COL22A1: variants seen among roughly 807,000 people sequenced by gnomAD.
COL22A1 encodes the protein collagen alpha-1(XXII) chain.
COL22A1 carries 221 observed loss-of-function variants against 248.9 expected under a neutral mutation model. The observed-to-expected ratio is 0.89, with a 90% CI of 0.80 to 0.99. The LOEUF (loss-of-function observed/expected upper bound fraction) is 0.99. Among genes scored for constraint, COL22A1 ranks in the 50% least tolerant of loss-of-function variants. The pLI is 0.00. For synonymous variants in COL22A1, 891 were observed against 793.4 expected, an observed-to-expected ratio of 1.12 and a Z score of -2.07; for missense variants, 2,240 against 2,179.0, an observed-to-expected ratio of 1.03 and a Z score of -0.56.
At chr8:138,755,100 A>C (rs1832885551) in intron 21 of COL22A1, 57 bp downstream of exon 21, 2 of 1,550,354 alleles carry the variant, frequency 1.3e-6, no homozygotes, top group African/African-American at 2.7e-5. Flanking sequence ...GATCTTCCAA[A>C]CCCATTGGTA....
chr8:138,594,312 G>A, intron 62 of COL22A1, 113 bp from the exon 63 acceptor site: 2 of 836,662 alleles, frequency 2.4e-6, no homozygotes. Flanking sequence ...TGCAGAAACG[G>A]ACATAGGACA....
Position 138,589,298 on chromosome 8 carries a change from G to C in COL22A1, c.4836C>G (p.Tyr1612Ter), listed in dbSNP as rs1259875598. The change falls in exon 65 of 65, where the codon TAC becomes TAG. Residue 1612 changes from tyrosine to a stop codon, truncating the protein, a stop_gained. Transcript: ENST00000303045. LOFTEE classifies it high-confidence loss of function. ...CCGGCCGGGCAGCAAGGCTGGCGAAGTAGGCACACTGGGAAGGGTCACATT... is the reference window on the plus strand; with the variant it reads ...CCGGCCGGGCAGCAAGGCTGGCGAACTAGGCACACTGGGAAGGGTCACATT... Reference protein sequence around the residue: ...PGQCDPSQCAYFASLAARPGN... With the variant: ...PGQCDPSQCA The C allele has an allele frequency of 2.5e-6, 4 of 1,613,842 alleles. No individual in the cohort carries two copies. In the South Asian group the frequency reaches 4.4e-5, roughly 18 times the overall value.
intron 49 of COL22A1, 147 bp from the exon 50 acceptor site, chr8:138,630,895 G>C: frequency 1.4e-6 from 1 of 725,368 alleles, no homozygotes; most frequent in Non-Finnish European, 2.4e-6. Flanking sequence ...AATATTGTAG[G>C]TGGGCCCTGG....
intron 3 of COL22A1, among the ~76,000 whole-genome samples, chr8:138,869,492 C>G (rs901966453): frequency 1.3e-5 from 2 of 152,148 alleles, no homozygotes; most frequent in African/African-American, 4.8e-5. Flanking sequence ...CAGTTTTAGG[C>G]AGAGGCAGGA....
chr8:138,735,751 C>G (rs4582606), intron 23 of COL22A1, among the ~76,000 whole-genome samples: 130,878 of 152,206 alleles, frequency 0.86, 57,849 homozygotes, highest in Non-Finnish European at 0.96. Flanking sequence ...TGACCTGAGT[C>G]AAGGGTGCAG....
intron 64 of COL22A1, 102 bp downstream of exon 64, chr8:138,591,322 C>T: frequency 1.5e-6 from 1 of 655,382 alleles, no homozygotes; most frequent in Non-Finnish European, 2.4e-6. Context: ...AGCCTAAGCC[C>T]TCCTCTCCGC....
intron 23 of COL22A1, among the ~76,000 whole-genome samples, chr8:138,736,374 A>G: frequency 6.6e-6 from 1 of 151,976 alleles, no homozygotes; most frequent in Non-Finnish European, 1.5e-5. Context: ...TGTTTTGTCC[A>G]CACTGTGGTA....
chr8:138,743,861 A>G (rs955685056), intron 22 of COL22A1, among the ~76,000 whole-genome samples: 13 of 152,166 alleles, frequency 8.5e-5, no homozygotes, highest in African/African-American at 3.1e-4. Context: ...AAGGAAGCCT[A>G]TAAATTCAGA....
chr8:138,902,884 C>T (rs1814721903), intron 1 of COL22A1, among the ~76,000 whole-genome samples: 1 of 151,586 alleles, frequency 6.6e-6, no homozygotes, highest in South Asian at 2.1e-4. Context: ...AGGCTTTCAC[C>T]AAACGCGGTT....
At chr8:138,634,669 C>T (rs1161724658) in intron 49 of COL22A1, among the ~76,000 whole-genome samples, 3 of 152,132 alleles carry the variant, frequency 2.0e-5, no homozygotes, top group Non-Finnish European at 4.4e-5. Context: ...TACAATTTCT[C>T]ATTTTCTACC....
chr8:138,814,224 T>C (rs1818488460), intron 7 of COL22A1, among the ~76,000 whole-genome samples: 1 of 152,246 alleles, frequency 6.6e-6, no homozygotes, highest in African/African-American at 2.4e-5. Context: ...TAGCACGTGG[T>C]ACCTCTTCTA....
chr8:138,833,959 A>C (rs1820242693), intron 4 of COL22A1, among the ~76,000 whole-genome samples: 1 of 152,174 alleles, frequency 6.6e-6, no homozygotes, highest in Non-Finnish European at 1.5e-5. Context: ...AAGACCCTAA[A>C]TATGTGTCAC....
intron 47 of COL22A1, among the ~76,000 whole-genome samples, chr8:138,642,607 G>A (rs572910150): frequency 6.6e-6 from 1 of 152,296 alleles, no homozygotes; most frequent in East Asian, 1.9e-4. Flanking sequence ...AAATTATAAG[G>A]GAACAAAAGC....
At chr8:138,777,452 C>T (rs552972947) in intron 15 of COL22A1, among the ~76,000 whole-genome samples, 106 of 152,286 alleles carry the variant, frequency 7.0e-4, no homozygotes, top group Middle Eastern at 3.4e-3. Flanking sequence ...TACACTGCTT[C>T]TTTCATTTAT....
chr8:138,763,517 G>A (rs1159340681), intron 16 of COL22A1, among the ~76,000 whole-genome samples: 1 of 152,170 alleles, frequency 6.6e-6, no homozygotes, highest in African/African-American at 2.4e-5. Context: ...CAACTCCCAG[G>A]TGCTGGTGTG....
At chr8:138,775,078 A>G (rs564042023) in intron 16 of COL22A1, among the ~76,000 whole-genome samples, 5 of 152,348 alleles carry the variant, frequency 3.3e-5, no homozygotes, top group Admixed American at 2.0e-4. Flanking sequence ...ACAAGTTCCT[A>G]TGGAACTAGA....
intron 47 of COL22A1, among the ~76,000 whole-genome samples, chr8:138,638,111 A>G (rs1325068385): frequency 6.6e-6 from 1 of 152,134 alleles, no homozygotes; most frequent in Non-Finnish European, 1.5e-5. Flanking sequence ...AAAATATACA[A>G]CCTACCAAAA....
At chr8:138,867,623 A>G (rs2131990707) in intron 3 of COL22A1, among the ~76,000 whole-genome samples, 1 of 152,286 alleles carries the variant, frequency 6.6e-6, no homozygotes, top group South Asian at 2.1e-4. Context: ...CTGACATGAG[A>G]CCACAGGTCT....
intron 56 of COL22A1, among the ~76,000 whole-genome samples, chr8:138,608,719 T>C (rs1818614030): frequency 6.6e-6 from 1 of 152,182 alleles, no homozygotes; most frequent in African/African-American, 2.4e-5. Flanking sequence ...TCAGACAAAT[T>C]TCTATGAAGC....
Sources: allele counts gnomAD v4.1 joint callset (sites outside exome capture counted in the v4.1 genomes callset), GRCh38; gene constraint gnomAD v4.1.1; transcripts MANE v1.5; gene names NCBI Gene and HGNC (gene_info 2026-07-23, HGNC 2026-07-21).